Variants in DNAJC10 observed in about 807,000 individuals in gnomAD.
DNAJC10 encodes DnaJ heat shock protein family (Hsp40) member C10.
Under a neutral mutation model 115.0 loss-of-function variants are expected in DNAJC10, and 101 were observed. That is an observed-to-expected ratio of 0.88 (90% CI 0.75 to 1.04). The LOEUF (loss-of-function observed/expected upper bound fraction) is 1.04. Among genes scored for constraint, DNAJC10 ranks in the 50% least tolerant of loss-of-function variants. DNAJC10 has a pLI of 0.00. For synonymous variants in DNAJC10, 307 were observed against 301.5 expected (o/e 1.02, Z -0.19); for missense variants, 981 against 928.8 (o/e 1.06, Z -0.73).
intron 13 of DNAJC10, among the ~76,000 whole-genome samples, chr2:182,741,605 A>G (rs1160072089): frequency 1.3e-5 from 2 of 152,138 alleles, no homozygotes; most frequent in African/African-American, 4.8e-5. Context: ...TCTGGAATGC[A>G]TACTGTAGGA....
rs191651307 is a variant in DNAJC10, at chr2:182,780,779, T to C, written c.*3647T>C. 2 of 152,238 alleles carry C rather than the reference T, an allele frequency of 1.3e-5. No homozygotes were observed. The highest frequency in any genetic ancestry group is 2.9e-5 in the Non-Finnish European group (2 of 68,022). 9.4% of individuals were successfully genotyped at this position (152,238 alleles called of 1,614,324 possible). A position where few individuals can be genotyped will look rare whatever the true frequency, so the allele number is the denominator to read the frequency against. Reference sequence around the variant, plus strand: ...TTTGTGAATGGAAACTAGCCAAAAATACAGCCAAAGTCTCAACGCCAAACT... The same window carrying C: ...TTTGTGAATGGAAACTAGCCAAAAACACAGCCAAAGTCTCAACGCCAAACT... On this transcript the variant is annotated 3_prime_UTR_variant, in exon 24 of 24. Transcript: ENST00000264065.
intron 22 of DNAJC10, among the ~76,000 whole-genome samples, chr2:182,773,040 G>A: frequency 6.6e-6 from 1 of 152,142 alleles, no homozygotes; most frequent in East Asian, 1.9e-4. Flanking sequence ...GCCTGGTGGT[G>A]ACAAAATCAG....
At chr2:182,729,218 G>C (rs991078673) in intron 7 of DNAJC10, 1 of 404,344 alleles carries the variant, frequency 2.5e-6, no homozygotes, top group Non-Finnish European at 4.5e-6. Context: ...GTGCAGTCTC[G>C]GCTCACTGCA....
rs910304932 is a variant in DNAJC10, at chr2:182,723,115, C to T, written c.418+1040C>T. ...TGTGCAGTGGCACGATCTTGGCTCA[C>T]TGCAACCTCTGCCCCCTGGGTTCAA... is the stretch of plus-strand genomic sequence containing the variant. On this transcript the variant is annotated intron_variant, in intron 5 of 23. Coordinates refer to ENST00000264065, the MANE Select transcript of DNAJC10 (RefSeq NM_018981.4). 6.3e-5 allele frequency among the ~76,000 whole-genome samples: 9 copies of T among 142,062 alleles called. No individual in the cohort carries two copies. The South Asian group carries it at 1.2e-3, about 19-fold the overall frequency. The allele number at this position is 142,062 out of a possible 152,430, so 93.2% of individuals were successfully genotyped here.
chr2:182,730,566 C>T, intron 8 of DNAJC10: 1 of 450,470 alleles, frequency 2.2e-6, no homozygotes, highest in South Asian at 1.6e-5. Context: ...GTAAAACAAC[C>T]CAGTTGGGGA....
At position 182,757,759 on chromosome 2, in the gene DNAJC10, A is replaced by G. The variant is rs774935421; in HGVS notation, c.1877A>G (p.Glu626Gly). The G allele has an allele frequency of 6.3e-7, 1 of 1,599,014 alleles. No homozygotes were observed. Among genetic ancestry groups the G allele is most frequent in the South Asian group, 1.1e-5 (1 of 89,448 alleles). Residue 626 changes from glutamate (E) to glycine (G), a missense_variant, in exon 19 of 24, where the codon GAA (glutamate) becomes GGA (glycine). By Grantham distance (98) the Glu-to-Gly change is moderately conservative. Coordinates refer to ENST00000264065, the MANE Select transcript of DNAJC10 (RefSeq NM_018981.4). Reference protein sequence around the residue: ...CQQYHSFCAQENVQRYPEIRF... With the variant: ...CQQYHSFCAQGNVQRYPEIRF... ...CAGTATCATTCTTTTTGTGCCCAGG[A>G]AAACGTTCAAAGATACCCTGAGATA... is the stretch of plus-strand genomic sequence containing the variant.
At chr2:182,719,398 C>T (rs1431325193) in intron 3 of DNAJC10, among the ~76,000 whole-genome samples, 2 of 151,606 alleles carry the variant, frequency 1.3e-5, no homozygotes, top group African/African-American at 2.4e-5. Flanking sequence ...GGATTACAGG[C>T]GTGCGTCACT....
rs1211877433 is a variant in DNAJC10 at position 182,779,724 on chromosome 2, A to G, written c.*2592A>G. On this transcript the variant is annotated 3_prime_UTR_variant, in exon 24 of 24. Coordinates refer to ENST00000264065, the MANE Select transcript of DNAJC10 (RefSeq NM_018981.4). The stretch of plus-strand genomic sequence containing the variant: ...AAATGAAATGTTTATGTAATTTTAT[A>G]TTCTCAAAATTTTCTTTAAATTTGC... The G allele has an allele frequency of 6.6e-6, 1 of 152,230 alleles. No individual in the cohort carries two copies. The highest frequency in any genetic ancestry group is 1.9e-4 in the East Asian group (1 of 5,202). The allele number at this position is 152,230 out of a possible 1,614,324, so 9.4% of individuals were successfully genotyped here. A position where few individuals can be genotyped will look rare whatever the true frequency, so the allele number is the denominator to read the frequency against.
chr2:182,722,776 C>A (rs1247669121), intron 5 of DNAJC10, among the ~76,000 whole-genome samples: 4 of 151,918 alleles, frequency 2.6e-5, no homozygotes, highest in Admixed American at 1.3e-4. Flanking sequence ...ACCCTCTCTA[C>A]TAAAAATACA....
intron 2 of DNAJC10, 21 bp downstream of exon 2, chr2:182,717,093 A>G (rs1350260251): frequency 2.0e-5 from 3 of 152,256 alleles, no homozygotes; most frequent in Non-Finnish European, 4.4e-5. Context: ...AAATTTTTAA[A>G]TATACATTTA....
Position 182,740,328 on chromosome 2 carries a change from A to C in DNAJC10, c.1017A>C (p.Ile339=). Reference sequence around the variant, plus strand: ...TCAACTCATTGGATGCTAAAGAAATATATTTGGAAGTAATACATAATCTTC... The same window carrying C: ...TCAACTCATTGGATGCTAAAGAAATCTATTTGGAAGTAATACATAATCTTC... ...LFLNSLDAKE[I]YLEVIHNLPD... is the part of the protein sequence containing the mutation. Residue 339 remains isoleucine (I), a synonymous_variant, in exon 12 of 24, where the codon ATA becomes ATC. Coordinates refer to ENST00000264065, the MANE Select transcript of DNAJC10 (RefSeq NM_018981.4). 1 of 1,533,882 alleles carries C rather than the reference A, an allele frequency of 6.5e-7. No homozygotes were observed. The highest frequency in any genetic ancestry group is 8.8e-7 in the Non-Finnish European group (1 of 1,133,878).
chr2:182,773,953 C>T (rs534839330), intron 22 of DNAJC10, among the ~76,000 whole-genome samples: 2 of 149,670 alleles, frequency 1.3e-5, no homozygotes, highest in African/African-American at 2.6e-5. Context: ...CTGGTTTCTC[C>T]CCATCTTTGT....
At position 182,786,902 on chromosome 2, in the gene DNAJC10, C is replaced by T. The variant is rs1694955970; in HGVS notation, c.*9770C>T. 6.6e-6 allele frequency: 1 copy of T among 152,148 alleles called. No individual in the cohort carries two copies. Among genetic ancestry groups the T allele is most frequent in the African/African-American group, 2.4e-5 (1 of 41,418 alleles). 9.4% of individuals were successfully genotyped at this position (152,148 alleles called of 1,614,324 possible). A position where few individuals can be genotyped will look rare whatever the true frequency, so the allele number is the denominator to read the frequency against. The stretch of plus-strand genomic sequence containing the variant: ...AGGGTTTAAGTCATGAGGGCAGAGA[C>T]CTCCTTTTTGAGATTGGTACACTTA... On this transcript the variant is annotated 3_prime_UTR_variant, in exon 24 of 24. Coordinates refer to ENST00000264065, the MANE Select transcript of DNAJC10 (RefSeq NM_018981.4).
Position 182,728,869 on chromosome 2 carries a change from G to C in DNAJC10, c.508G>C (p.Asp170His). Reference protein sequence around the residue: ...HCHDLAPTWRDFAKEVDGLLR... With the variant: ...HCHDLAPTWRHFAKEVDGLLR... ...TTTTCTTTTTCTGTCATAGTGGAGAGACTTTGCTAAAGAAGTGGATGGGTT... is the reference window on the plus strand; with the variant it reads ...TTTTCTTTTTCTGTCATAGTGGAGACACTTTGCTAAAGAAGTGGATGGGTT... The change falls in exon 7 of 24, where the codon GAC becomes CAC. Residue 170 changes from aspartate (D) to histidine (H), a missense_variant. Coordinates refer to ENST00000264065, the MANE Select transcript of DNAJC10 (RefSeq NM_018981.4). The C allele has an allele frequency of 1.2e-6, 2 of 1,614,072 alleles. No homozygotes were observed. Among genetic ancestry groups the C allele is most frequent in the Non-Finnish European group, 1.7e-6 (2 of 1,179,984 alleles).
At chr2:182,758,952 A>C (rs1694224792) in intron 20 of DNAJC10, 62 bp downstream of exon 20, 1 of 1,285,394 alleles carries the variant, frequency 7.8e-7, no homozygotes, top group Non-Finnish European at 1.1e-6. Flanking sequence ...CCCCCCTTTT[A>C]TATCAATAGT....
intron 5 of DNAJC10, among the ~76,000 whole-genome samples, chr2:182,724,024 TCAA>T (rs1379613853): frequency 1.3e-5 from 2 of 152,186 alleles, no homozygotes; most frequent in African/African-American, 4.8e-5. Flanking sequence ...CTCTAGAAAG[TCAA>T]CAAGCAAATG....
At chr2:182,718,373 A>G (rs1238532546) in intron 3 of DNAJC10, 83 bp downstream of exon 3, 2 of 1,076,392 alleles carry the variant, frequency 1.9e-6, no homozygotes, top group Non-Finnish European at 2.6e-6. Context: ...TAAATGATCA[A>G]ATGCTTAAGA....
At chr2:182,737,371 A>G (rs1221947381) in intron 11 of DNAJC10, among the ~76,000 whole-genome samples, 1 of 152,210 alleles carries the variant, frequency 6.6e-6, no homozygotes. Flanking sequence ...ACATATACTC[A>G]TTTCAGAAAT....
intron 17 of DNAJC10, 92 bp downstream of exon 17, chr2:182,755,196 CTT>C: frequency 1.3e-6 from 1 of 756,462 alleles, no homozygotes. Context: ...AGGATTTACT[CTT>C]TTCATGCCCA....
Sources: allele counts gnomAD v4.1 joint callset (sites outside exome capture counted in the v4.1 genomes callset), GRCh38; gene constraint gnomAD v4.1.1; transcripts MANE v1.5; gene names NCBI Gene and HGNC (gene_info 2026-07-23, HGNC 2026-07-21).